Variants in ANXA3 observed in about 807,000 individuals in gnomAD.
The protein encoded by ANXA3 is annexin A3, also known as 35-alpha calcimedin.
A neutral mutation model predicts 48.8 loss-of-function variants in ANXA3; 46 were observed. That is an observed-to-expected ratio of 0.94 (90% CI 0.74 to 1.21). The LOEUF (loss-of-function observed/expected upper bound fraction) is 1.21. Ranked by LOEUF, ANXA3 falls within the 50% of genes most tolerant of loss-of-function variation. The pLI is 0.00. For missense variants in ANXA3, 383 were observed against 378.6 expected (o/e 1.01, Z -0.10); for synonymous variants, 128 against 134.7 (o/e 0.95, Z 0.35).
chr4:78,598,280 TTTTC>T (rs982917096), intron 10 of ANXA3, among the ~76,000 whole-genome samples: 10 of 150,566 alleles, frequency 6.6e-5, no homozygotes, highest in East Asian at 3.9e-4. Context: ...GTGGCTTTTC[TTTTC>T]TTTCTTTCTT....
At chr4:78,558,248 A>G (rs1578389549) in intron 2 of ANXA3, among the ~76,000 whole-genome samples, 1 of 152,376 alleles carries the variant, frequency 6.6e-6, no homozygotes, top group Admixed American at 6.5e-5. Context: ...AGAGAAAAAG[A>G]GGAGTTGTTT....
At chr4:78,553,045 A>G (rs1722431535) in intron 1 of ANXA3, among the ~76,000 whole-genome samples, 1 of 152,234 alleles carries the variant, frequency 6.6e-6, no homozygotes, top group Non-Finnish European at 1.5e-5. Flanking sequence ...TAAATGATAG[A>G]TTAGTAATAA....
At position 78,604,301 on chromosome 4, in the gene ANXA3, C is replaced by G. The variant is rs1308765334; in HGVS notation, c.814C>G (p.Leu272Val). Residue 272 changes from leucine (L) to valine (V), a missense_variant, in exon 12 of 13, where the codon CTG (leucine) becomes GTG (valine). By Grantham distance (32) the Leu-to-Val change is conservative (BLOSUM62 1). Transcript: ENST00000264908. Reference protein sequence around the residue: ...LKGIGTDEFTLNRIMVSRSEI... With the variant: ...LKGIGTDEFTVNRIMVSRSEI... The stretch of plus-strand genomic sequence containing the variant: ...GGGTATTGGAACTGATGAGTTTACT[C>G]TGAACCGAATAATGGTGTCCAGATC... 1 of 1,612,964 alleles carries G rather than the reference C, an allele frequency of 6.2e-7. No individual in the cohort carries two copies. The highest frequency in any genetic ancestry group is 8.5e-7 in the Non-Finnish European group (1 of 1,179,344).
chr4:78,595,603 T>C (rs1723406785), intron 8 of ANXA3, among the ~76,000 whole-genome samples, 166 bp downstream of exon 8: 2 of 151,972 alleles, frequency 1.3e-5, no homozygotes, highest in South Asian at 4.2e-4. Context: ...CCTAACTTTT[T>C]GCCTGCCCCA....
chr4:78,578,533 G>A (rs190140161), intron 3 of ANXA3, among the ~76,000 whole-genome samples: 16 of 152,268 alleles, frequency 1.1e-4, no homozygotes, highest in Non-Finnish European at 1.9e-4. Flanking sequence ...AGATAAGTTC[G>A]TGTCTTCATC....
intron 4 of ANXA3, 108 bp from the exon 5 acceptor site, chr4:78,582,069 G>T: frequency 3.1e-6 from 2 of 644,572 alleles, no homozygotes; most frequent in South Asian, 3.9e-5. Flanking sequence ...CCCTGTGGAT[G>T]GACATGTTTT....
rs561812640 is a variant in ANXA3 at position 78,574,297 on chromosome 4, G to C, written c.103+1030G>C. On this transcript the variant is annotated intron_variant, in intron 3 of 12. Transcript: ENST00000264908. ...TAGCTGGGCTTAGTGGCTTGGGCTT[G>C]TGATCCCAGCTACTTGGGAGGCTGA... Among the ~76,000 whole-genome samples, 4 of 152,232 alleles carry C rather than the reference G, an allele frequency of 2.6e-5. 1 individual carries two copies. The South Asian group carries it at 8.3e-4, about 32-fold the overall frequency.
intron 3 of ANXA3, among the ~76,000 whole-genome samples, chr4:78,576,222 TATA>T (rs1157482075): frequency 2.0e-5 from 3 of 152,176 alleles, no homozygotes; most frequent in Non-Finnish European, 4.4e-5. Flanking sequence ...TTTATATCAA[TATA>T]ATATTATGTT....
intron 2 of ANXA3, among the ~76,000 whole-genome samples, chr4:78,564,195 T>C (rs1253118542): frequency 6.6e-6 from 1 of 152,208 alleles, no homozygotes; most frequent in Non-Finnish European, 1.5e-5. Context: ...GCTACCTTTG[T>C]CAGAGAAACC....
At chr4:78,592,750 A>G (rs750602980) in intron 7 of ANXA3, among the ~76,000 whole-genome samples, 2 of 152,232 alleles carry the variant, frequency 1.3e-5, no homozygotes, top group Non-Finnish European at 2.9e-5. Context: ...GGGTGTTATG[A>G]AGATTAAGAG....
intron 10 of ANXA3, among the ~76,000 whole-genome samples, chr4:78,600,424 G>T (rs532785857): frequency 6.6e-6 from 1 of 152,246 alleles, no homozygotes; most frequent in South Asian, 2.1e-4. Context: ...AATCTAGTTG[G>T]CAGGGAGGTG....
intron 12 of ANXA3, among the ~76,000 whole-genome samples, chr4:78,605,483 C>T (rs1428371505): frequency 1.3e-5 from 2 of 152,104 alleles, no homozygotes; most frequent in South Asian, 2.1e-4. Context: ...GTTTCTAAGA[C>T]GTTTTTCACA....
At chr4:78,583,587 G>A (rs954999333) in intron 5 of ANXA3, among the ~76,000 whole-genome samples, 4 of 151,024 alleles carry the variant, frequency 2.6e-5, no homozygotes, top group Admixed American at 6.6e-5. Context: ...CCGTGCCACT[G>A]CACTCCAGCC....
chr4:78,593,727 C>G (rs1723353841), intron 7 of ANXA3, among the ~76,000 whole-genome samples: 1 of 150,046 alleles, frequency 6.7e-6, no homozygotes, highest in Admixed American at 6.6e-5. Flanking sequence ...GTCTCGACCT[C>G]CTGGGCCCAA....
chr4:78,551,980 A>C (rs1722396262), intron 1 of ANXA3, 121 bp downstream of exon 1: 1 of 152,290 alleles, frequency 6.6e-6, no homozygotes, highest in African/African-American at 2.4e-5. Context: ...GACCCTGGGC[A>C]GGGCTGGCGG....
chr4:78,591,512 C>G (rs374970406), intron 6 of ANXA3, 32 bp from the exon 7 acceptor site: 90 of 1,475,804 alleles, frequency 6.1e-5, no homozygotes, highest in Non-Finnish European at 8.1e-5. Context: ...TTCAGTTTGT[C>G]AAGGCTTAAT....
intron 5 of ANXA3, chr4:78,582,508 T>C (rs1301639179): frequency 1.8e-5 from 8 of 455,766 alleles, no homozygotes; most frequent in African/African-American, 3.9e-5. Context: ...TTGTTTGACA[T>C]GAAGAGTCAA....
chr4:78,593,636 T>TTAA (rs1723352345), intron 7 of ANXA3, among the ~76,000 whole-genome samples: 1 of 149,946 alleles, frequency 6.7e-6, no homozygotes, highest in Non-Finnish European at 1.5e-5. Context: ...ATTATTATTA[T>TTAA]TATTATTATT....
intron 2 of ANXA3, among the ~76,000 whole-genome samples, chr4:78,562,186 T>C (rs1722640014): frequency 6.6e-6 from 1 of 151,580 alleles, no homozygotes; most frequent in African/African-American, 2.4e-5. Flanking sequence ...TATGATTTGT[T>C]CTCTTGAAAG....
Sources: allele counts gnomAD v4.1 joint callset (sites outside exome capture counted in the v4.1 genomes callset), GRCh38; gene constraint gnomAD v4.1.1; transcripts MANE v1.5; gene names NCBI Gene and HGNC (gene_info 2026-07-23, HGNC 2026-07-21).